The following MCM3AP variants were observed in gnomAD, a reference collection of about 807,000 sequenced individuals.
MCM3AP encodes the protein germinal-center associated nuclear protein.
Under a neutral mutation model 184.1 loss-of-function variants are expected in MCM3AP, and 126 were observed. The ratio of observed to expected loss-of-function variants is 0.68; its 90% confidence interval spans 0.59 to 0.79. The LOEUF (loss-of-function observed/expected upper bound fraction) is 0.79. Among genes scored for constraint, MCM3AP ranks in the 30% least tolerant of loss-of-function variants. MCM3AP has a pLI of 0.00. For missense variants in MCM3AP, 2,496 were observed against 2,479.2 expected (o/e 1.01, Z -0.14); for synonymous variants, 1,002 against 979.3 (o/e 1.02, Z -0.43).
chr21:46,277,487 C>T, intron 5 of MCM3AP, 40 bp downstream of exon 5: 1 of 1,464,312 alleles, frequency 6.8e-7, no homozygotes, highest in Non-Finnish European at 9.1e-7. Flanking sequence ...AGATGACGAC[C>T]TCACCAGGCC....
At chr21:46,270,625 G>A (rs968409700) in intron 8 of MCM3AP, 62 bp from the exon 9 acceptor site, 23 of 1,374,586 alleles carry the variant, frequency 1.7e-5, no homozygotes, top group Non-Finnish European at 8.0e-6. Flanking sequence ...AAATTTTCAT[G>A]AAGATAGATC....
rs754670172 is a variant in MCM3AP, at chr21:46,251,881, CTTTTTTTTTTTT to C, written c.4137-211_4137-200del. The C allele has an allele frequency of 7.0e-5, 9 of 127,764 alleles. 2 individuals carry two copies. Among genetic ancestry groups the C allele is most frequent in the East Asian group, 3.5e-4 (2 of 5,700 alleles). The allele number at this position is 127,764 out of a possible 1,614,324, so 7.9% of individuals were successfully genotyped here. The stretch of plus-strand genomic sequence containing the variant: ...AATGGAGCAACGATCTGTACTCGTT[CTTTTTTTTTTTT>C]TTTTTTTTTTGAGCCAGGGTCTCGC... On this transcript the variant is annotated intron_variant, in intron 19 of 27. Coordinates refer to ENST00000291688, the MANE Select transcript of MCM3AP (RefSeq NM_003906.5).
rs1490974503 is a variant in MCM3AP, at chr21:46,258,931, G to A, written c.3734+8C>T. Reference sequence around the variant, plus strand: ...TGTGGATTTTGCCTGTAGGAACACAGGACTCACCGCTGTAGATACTTGCAG... The same window carrying A: ...TGTGGATTTTGCCTGTAGGAACACAAGACTCACCGCTGTAGATACTTGCAG... On this transcript the variant is annotated splice_region_variant and intron_variant, in intron 16 of 27. Coordinates refer to ENST00000291688, the MANE Select transcript of MCM3AP (RefSeq NM_003906.5). 1 of 1,613,870 alleles carries A rather than the reference G, an allele frequency of 6.2e-7. No individual in the cohort carries two copies. The highest frequency in any genetic ancestry group is 1.3e-5 in the African/African-American group (1 of 74,896).
intron 16 of MCM3AP, 121 bp from the exon 17 acceptor site, chr21:46,257,107 A>G: frequency 2.2e-6 from 3 of 1,359,082 alleles, no homozygotes; most frequent in Non-Finnish European, 3.0e-6. Context: ...GTGAGCAATG[A>G]AACTACCGAA....
At chr21:46,244,738 C>G in intron 23 of MCM3AP, 69 bp downstream of exon 23, 1 of 1,514,776 alleles carries the variant, frequency 6.6e-7, no homozygotes, top group Non-Finnish European at 8.9e-7. Context: ...CAGACGGTTA[C>G]TACAGTGAGA....
At chr21:46,273,032 C>T (rs553941386) in intron 7 of MCM3AP, among the ~76,000 whole-genome samples, 3 of 151,974 alleles carry the variant, frequency 2.0e-5, no homozygotes, top group African/African-American at 7.2e-5. Context: ...GGCTGGAGTG[C>T]AGTGGTGTCA....
intron 16 of MCM3AP, among the ~76,000 whole-genome samples, chr21:46,257,986 A>T (rs1341773280): frequency 6.6e-6 from 1 of 151,714 alleles, no homozygotes; most frequent in Non-Finnish European, 1.5e-5. Flanking sequence ...AAGGTCATTT[A>T]TGGTACATTA....
Position 46,284,554 on chromosome 21 carries a change from A to G in MCM3AP, c.733T>C (p.Ser245Pro). Reference protein sequence around the residue: ...KRGPKSIFGSSNNSFSSFPVS... With the variant: ...KRGPKSIFGSPNNSFSSFPVS... ...GGGAAGCTACTGAAGCTATTATTAG[A>G]ACTTCCAAATATTGACTTAGGTCCT... is the stretch of plus-strand genomic sequence containing the variant. The change falls in exon 1 of 28, where the codon TCT (serine) becomes CCT (proline). Residue 245 changes from serine to proline, a missense_variant. Coordinates refer to ENST00000291688, the MANE Select transcript of MCM3AP (RefSeq NM_003906.5). The G allele has an allele frequency of 6.2e-7, 1 of 1,614,222 alleles. No individual in the cohort carries two copies. The highest frequency in any genetic ancestry group is 1.1e-5 in the South Asian group (1 of 91,086).
chr21:46,243,259 C>A, intron 24 of MCM3AP: 1 of 690,760 alleles, frequency 1.4e-6, no homozygotes. Context: ...GGGCCTGTTT[C>A]AGGGAGGTGA....
chr21:46,248,812 C>T (rs2080821555), intron 20 of MCM3AP, among the ~76,000 whole-genome samples: 1 of 151,902 alleles, frequency 6.6e-6, no homozygotes, highest in Non-Finnish European at 1.5e-5. Flanking sequence ...AAAATAAAGT[C>T]AAGGAACTCT....
rs777745625 is a variant in MCM3AP at position 46,261,261 on chromosome 21, A to G, written c.3467+19T>C. On this transcript the variant is annotated intron_variant, in intron 14 of 27. Coordinates refer to ENST00000291688, the MANE Select transcript of MCM3AP (RefSeq NM_003906.5). Reference sequence around the variant, plus strand: ...CACACTGAGCTCCTTATTCGGCTGCATGGACAAGACACACTTACCTTTCCT... The same window carrying G: ...CACACTGAGCTCCTTATTCGGCTGCGTGGACAAGACACACTTACCTTTCCT... 2.2e-5 allele frequency: 36 copies of G among 1,613,390 alleles called. No homozygotes were observed. Among genetic ancestry groups the G allele is most frequent in the South Asian group, 3.3e-5 (3 of 91,026 alleles).
At chr21:46,236,186 A>C (rs1476579961) in intron 27 of MCM3AP, 2 of 152,252 alleles carry the variant, frequency 1.3e-5, no homozygotes, top group African/African-American at 4.8e-5. Context: ...GAATGGAAAC[A>C]GTACATCATT....
At chr21:46,281,722 C>G (rs190017413) in intron 2 of MCM3AP, among the ~76,000 whole-genome samples, 1 of 151,878 alleles carries the variant, frequency 6.6e-6, no homozygotes, top group East Asian at 1.9e-4. Flanking sequence ...AAAACAAGGC[C>G]AGGCATGGTG....
chr21:46,276,137 A>G (rs769267519), intron 5 of MCM3AP, among the ~76,000 whole-genome samples: 3 of 152,172 alleles, frequency 2.0e-5, no homozygotes, highest in Non-Finnish European at 2.9e-5. Flanking sequence ...CTGTAGTCCC[A>G]GCTACTCAGG....
In MCM3AP at chr21:46,272,479, C is replaced by T. The variant is rs1048403709; in HGVS notation, c.2465+82G>A. ...AGACAGAATGCTGCACTATTGGCTA[C>T]TGCCACTCCTGAAAGCTCTTCTCCT... On this transcript the variant is annotated intron_variant, in intron 8 of 27. Transcript: ENST00000291688. 48 of 1,370,406 alleles carry T rather than the reference C, an allele frequency of 3.5e-5. No individual in the cohort carries two copies. In the African/African-American group the frequency reaches 5.0e-4, roughly 14 times the overall value. 84.9% of individuals were successfully genotyped at this position (1,370,406 alleles called of 1,614,324 possible). A position where few individuals can be genotyped will look rare whatever the true frequency, so the allele number is the denominator to read the frequency against.
intron 8 of MCM3AP, among the ~76,000 whole-genome samples, chr21:46,271,908 T>C (rs1182321664): frequency 6.6e-6 from 1 of 151,710 alleles, no homozygotes; most frequent in East Asian, 1.9e-4. Flanking sequence ...CATCTAGATA[T>C]TCTGTCACAC....
intron 2 of MCM3AP, among the ~76,000 whole-genome samples, chr21:46,282,530 C>T (rs765692698): frequency 4.6e-5 from 7 of 152,068 alleles, no homozygotes; most frequent in Non-Finnish European, 8.8e-5. Flanking sequence ...TTAGGCTGGG[C>T]GCAGTGGCTC....
intron 11 of MCM3AP, 29 bp from the exon 12 acceptor site, chr21:46,265,552 A>C (rs1264690899): frequency 3.3e-6 from 5 of 1,520,326 alleles, no homozygotes; most frequent in Non-Finnish European, 4.4e-6. Flanking sequence ...GACAAAACAT[A>C]GCTGCAGACA....
At chr21:46,273,361 A>G (rs1184802166) in intron 7 of MCM3AP, 27 bp downstream of exon 7, 3 of 1,598,186 alleles carry the variant, frequency 1.9e-6, no homozygotes, top group Non-Finnish European at 2.6e-6. Flanking sequence ...TGGATTTTTT[A>G]GCATCCAGGT....
Sources: allele counts gnomAD v4.1 joint callset (sites outside exome capture counted in the v4.1 genomes callset), GRCh38; gene constraint gnomAD v4.1.1; transcripts MANE v1.5; gene names NCBI Gene and HGNC (gene_info 2026-07-23, HGNC 2026-07-21).